The following ATG4A variants were observed in gnomAD, a reference collection of about 807,000 sequenced individuals.
The protein encoded by ATG4A is cysteine protease ATG4A.
A neutral mutation model predicts 38.4 loss-of-function variants in ATG4A; 22 were observed. The observed-to-expected ratio is 0.57, with a 90% confidence interval of 0.41 to 0.82. ATG4A has a LOEUF of 0.82. Ranked by LOEUF, ATG4A falls within the 40% of genes least tolerant of loss-of-function variation. ATG4A has a pLI of 0.00. For missense variants in ATG4A, 220 were observed against 290.0 expected, an observed-to-expected ratio of 0.76 and a Z score of 1.75; for synonymous variants, 86 against 100.7, an observed-to-expected ratio of 0.85 and a Z score of 0.88.
At chrX:108,126,647 C>G (rs111589225) in intron 2 of ATG4A, 4 of 629,492 alleles carry the variant, frequency 6.4e-6, no homozygotes, top group African/African-American at 4.7e-5. Context: ...GAAACAATAT[C>G]AGACCTAAGT....
intron 6 of ATG4A, 40 bp from the exon 7 acceptor site, chrX:108,137,051 A>G (rs1176149180): frequency 1.8e-6 from 2 of 1,116,948 alleles, no homozygotes; most frequent in Non-Finnish European, 2.4e-6. Flanking sequence ...TGATATTTCC[A>G]TCTTCCCAAA....
intron 1 of ATG4A, among the ~76,000 whole-genome samples, chrX:108,102,800 G>A (rs949210373): frequency 2.7e-5 from 3 of 109,486 alleles, no homozygotes; most frequent in African/African-American, 1.0e-4. Context: ...TTTTCTTGCG[G>A]GGGAGTTGGG....
intron 9 of ATG4A, among the ~76,000 whole-genome samples, chrX:108,145,931 G>T (rs1348701915): frequency 9.0e-6 from 1 of 111,626 alleles, no homozygotes; most frequent in African/African-American, 3.3e-5. Flanking sequence ...ACTTACATAA[G>T]CCCCTACTTT....
At chrX:108,100,867 G>T (rs996489590) in intron 1 of ATG4A, among the ~76,000 whole-genome samples, 1 of 111,335 alleles carries the variant, frequency 9.0e-6, no homozygotes, top group Admixed American at 9.6e-5. Flanking sequence ...TTTTGGTACT[G>T]TCTTTGTCTG....
chrX:108,141,061 TATATATATAC>T (rs1569311708), intron 9 of ATG4A, among the ~76,000 whole-genome samples: 3 of 27,674 alleles, frequency 1.1e-4, no homozygotes, highest in African/African-American at 4.4e-4. Flanking sequence ...TATATACGTG[TATATATATAC>T]ATATATATAT....
Position 108,103,559 on chromosome X carries a change from T to C in ATG4A, c.10+11723T>C, listed in dbSNP as rs182227183. On this transcript the variant is annotated intron_variant, in intron 1 of 12. Transcript: ENST00000372232. ...TCTTGTAGCTTTTTTGTCCTTCCTTTTCTTTCTTTCTCTTTTCCTTTGGGT... is the reference window on the plus strand; with the variant it reads ...TCTTGTAGCTTTTTTGTCCTTCCTTCTCTTTCTTTCTCTTTTCCTTTGGGT... Among the ~76,000 whole-genome samples, 87 of 112,209 alleles carry C rather than the reference T, an allele frequency of 7.8e-4. 1 individual carries two copies. The highest frequency in any genetic ancestry group is 2.7e-3 in the African/African-American group (82 of 30,897).
intron 1 of ATG4A, among the ~76,000 whole-genome samples, chrX:108,107,432 G>A (rs993037567): frequency 8.9e-6 from 1 of 111,999 alleles, no homozygotes; most frequent in Non-Finnish European, 1.9e-5. Flanking sequence ...TTTTCAGCAT[G>A]TTCGTAATTG....
chrX:108,092,277 C>T (rs1230774461), intron 1 of ATG4A, among the ~76,000 whole-genome samples: 1 of 111,980 alleles, frequency 8.9e-6, no homozygotes, highest in Non-Finnish European at 1.9e-5. Flanking sequence ...AGCCTGGTGA[C>T]ATCACAGCTT....
chrX:108,118,244 C>T lies in ATG4A; in HGVS notation c.11-7833C>T, dbSNP rs187843816. Among the ~76,000 whole-genome samples, 35 of 111,942 alleles carry T rather than the reference C, an allele frequency of 3.1e-4. No homozygotes were observed. In the East Asian group the frequency reaches 9.0e-3, roughly 29 times the overall value. On this transcript the variant is annotated intron_variant, in intron 1 of 12. Transcript: ENST00000372232. ...AACCAGAGCATCTGGTTTCTTGCTG[C>T]CTTAGGCCGGGCCTTCAACACTTTA...
upstream of ATG4A, chrX:108,088,998 C>T: frequency 2.5e-6 from 1 of 392,893 alleles, no homozygotes. Context: ...ATATTACTTA[C>T]TGGTATAAGA....
At chrX:108,091,395 G>T (rs2031613920), upstream of ATG4A, 5 of 1,201,697 alleles carry the variant, frequency 4.2e-6, no homozygotes, top group Non-Finnish European at 4.5e-6. Context: ...GAGAGACCTA[G>T]CGTTGCTTTA....
chrX:108,151,085 G>C (rs2033576522), intron 10 of ATG4A, among the ~76,000 whole-genome samples: 1 of 112,131 alleles, frequency 8.9e-6, no homozygotes, highest in East Asian at 2.8e-4. Context: ...GGAGGAAGAT[G>C]GGATATCACT....
intron 1 of ATG4A, among the ~76,000 whole-genome samples, chrX:108,123,897 C>G (rs754666620): frequency 5.8e-4 from 65 of 112,244 alleles, no homozygotes; most frequent in African/African-American, 2.0e-3. Context: ...AAAAAAGACC[C>G]AAGGCTTATA....
chrX:108,120,829 T>G (rs149194827), intron 1 of ATG4A, among the ~76,000 whole-genome samples: 1 of 112,232 alleles, frequency 8.9e-6, no homozygotes, highest in African/African-American at 3.2e-5. Flanking sequence ...ACCAGTCAGT[T>G]AAATAGAATC....
intron 1 of ATG4A, among the ~76,000 whole-genome samples, chrX:108,099,845 G>C (rs1479038645): frequency 9.0e-6 from 1 of 111,545 alleles, no homozygotes; most frequent in Non-Finnish European, 1.9e-5. Flanking sequence ...GTGTCCCTCT[G>C]CCATACCACA....
chrX:108,115,687 A>G (rs753433622), intron 1 of ATG4A, among the ~76,000 whole-genome samples: 1 of 112,453 alleles, frequency 8.9e-6, no homozygotes, highest in Admixed American at 9.4e-5. Context: ...AATCATGAAT[A>G]GAAGTTGCTA....
intron 1 of ATG4A, among the ~76,000 whole-genome samples, chrX:108,113,337 A>G (rs1361917811): frequency 8.9e-6 from 1 of 111,841 alleles, no homozygotes; most frequent in East Asian, 2.8e-4. Flanking sequence ...ATTTCTCATC[A>G]GAGAAACAGG....
chrX:108,150,011 C>A (rs1436613770), intron 9 of ATG4A, 141 bp from the exon 10 acceptor site: 26 of 697,518 alleles, frequency 3.7e-5, no homozygotes, highest in Non-Finnish European at 4.1e-5. Flanking sequence ...AGCATGCTCA[C>A]CCTGGCTTCA....
chrX:108,126,228 G>A, intron 2 of ATG4A, 41 bp downstream of exon 2: 1 of 985,385 alleles, frequency 1.0e-6, no homozygotes, highest in Middle Eastern at 2.6e-4. Context: ...CCCAGATGAG[G>A]TAGGCACCTG....
Sources: gnomAD v4.1 joint callset for allele counts (sites outside exome capture counted in the v4.1 genomes callset) on GRCh38, gnomAD v4.1.1 for gene constraint, MANE v1.5 for transcripts, NCBI Gene and HGNC (gene_info 2026-07-23, HGNC 2026-07-21) for gene names.